Variants in SHC3 observed in about 807,000 individuals in gnomAD.
The protein encoded by SHC3 is SHC adaptor protein 3, also known as SHC-transforming protein 3.
Under a neutral mutation model 60.4 loss-of-function variants are expected in SHC3, and 15 were observed. The observed-to-expected ratio is 0.25, with a 90% CI of 0.17 to 0.38. The LOEUF is 0.38. Among genes scored for constraint, SHC3 ranks in the 10% least tolerant of loss-of-function variants. SHC3 has a pLI of 1.00. For synonymous variants in SHC3, 294 were observed against 325.9 expected (o/e 0.90, Z 1.05); for missense variants, 677 against 786.1 (o/e 0.86, Z 1.66).
chr9:89,110,235 G>A (rs975801362), intron 2 of SHC3: 8 of 985,266 alleles, frequency 8.1e-6, no homozygotes, highest in African/African-American at 1.7e-5. Flanking sequence ...GAAATGCTGG[G>A]AGTGAAGCCC....
intron 1 of SHC3, among the ~76,000 whole-genome samples, chr9:89,176,112 T>C (rs886792773): frequency 2.6e-5 from 4 of 152,142 alleles, no homozygotes; most frequent in African/African-American, 9.7e-5. Flanking sequence ...TAATTAGTCA[T>C]GCCATGCACC....
At chr9:89,045,658 T>C (rs1824759917) in intron 9 of SHC3, 88 bp downstream of exon 9, 7 of 1,148,848 alleles carry the variant, frequency 6.1e-6, no homozygotes, top group South Asian at 1.3e-5. Flanking sequence ...ACTCTGTCAG[T>C]CCACAGAAAA....
intron 2 of SHC3, among the ~76,000 whole-genome samples, chr9:89,082,913 C>A (rs1278944092): frequency 6.6e-6 from 1 of 152,224 alleles, no homozygotes; most frequent in Non-Finnish European, 1.5e-5. Context: ...ATAGATACCA[C>A]ACCCAATTGT....
intron 6 of SHC3, among the ~76,000 whole-genome samples, chr9:89,054,807 A>G (rs1587698902): frequency 6.6e-6 from 1 of 152,358 alleles, no homozygotes. Context: ...GAAACTGCCC[A>G]CTGGGGAAAC....
chr9:89,136,249 C>G (rs907483897), intron 1 of SHC3, among the ~76,000 whole-genome samples: 12 of 152,098 alleles, frequency 7.9e-5, no homozygotes, highest in African/African-American at 2.4e-4. Context: ...GCATTTGAAC[C>G]AGATCAACTT....
At chr9:89,074,683 C>A in intron 4 of SHC3, among the ~76,000 whole-genome samples, 1 of 117,072 alleles carries the variant, frequency 8.5e-6, no homozygotes, top group Non-Finnish European at 1.7e-5. Flanking sequence ...AACAATGAGC[C>A]ACTAAAGCAA....
Position 89,008,732 on chromosome 9 carries a change from A to G in SHC3, c.*4715T>C, listed in dbSNP as rs1288315379. On this transcript the variant is annotated 3_prime_UTR_variant, in exon 12 of 12. Transcript: ENST00000375835. Reference sequence around the variant, plus strand: ...GATAGACTTGGTGAATAAATACCCCAGCTGTCTCCCCGCCTTGCTGGGTGA... The same window carrying G: ...GATAGACTTGGTGAATAAATACCCCGGCTGTCTCCCCGCCTTGCTGGGTGA... The G allele has an allele frequency of 6.6e-6, 1 of 152,144 alleles. No homozygotes were observed. The highest frequency in any genetic ancestry group is 2.4e-5 in the African/African-American group (1 of 41,418). 9.4% of individuals were successfully genotyped at this position (152,144 alleles called of 1,614,324 possible).
rs560537776 is a variant in SHC3, at chr9:89,046,061, C to T, written c.1114-228G>A. ...CATCAAAACTACACATGCCCCCCCG[C>T]TTGTTTTCATTACCCCCCCCACCCC... On this transcript the variant is annotated intron_variant, in intron 8 of 11. Transcript: ENST00000375835. Among the ~76,000 whole-genome samples, 9 of 133,608 alleles carry T rather than the reference C, an allele frequency of 6.7e-5. 1 individual carries two copies. Among genetic ancestry groups the T allele is most frequent in the Middle Eastern group, 7.5e-3 (2 of 268 alleles). The allele number at this position is 133,608 out of a possible 152,430, so 87.7% of individuals were successfully genotyped here.
intron 11 of SHC3, among the ~76,000 whole-genome samples, chr9:89,026,140 G>C (rs1252127878): frequency 6.6e-6 from 1 of 151,682 alleles, no homozygotes; most frequent in Non-Finnish European, 1.5e-5. Flanking sequence ...CTGTAATCCA[G>C]CTGCTCAGGA....
intron 6 of SHC3, among the ~76,000 whole-genome samples, chr9:89,055,333 A>T (rs527795427): frequency 5.7e-4 from 87 of 152,372 alleles, no homozygotes; most frequent in Middle Eastern, 3.4e-3. Flanking sequence ...GCAACAGGGC[A>T]TCCAGTAAAC....
At chr9:89,055,432 G>A (rs1170867827) in intron 6 of SHC3, among the ~76,000 whole-genome samples, 2 of 152,210 alleles carry the variant, frequency 1.3e-5, no homozygotes, top group African/African-American at 4.8e-5. Flanking sequence ...TTATGCCACA[G>A]TAAGAAACAA....
chr9:89,077,164 G>A (rs1016432725), intron 3 of SHC3, among the ~76,000 whole-genome samples: 91 of 150,312 alleles, frequency 6.1e-4, no homozygotes, highest in African/African-American at 1.8e-3. Context: ...GGGATAGAGC[G>A]AGACTCTGTC....
chr9:89,114,030 CAG>C (rs1344912817), intron 1 of SHC3, among the ~76,000 whole-genome samples: 1 of 152,152 alleles, frequency 6.6e-6, no homozygotes, highest in Non-Finnish European at 1.5e-5. Flanking sequence ...GCCACCATTG[CAG>C]AGTTACGTGA....
chr9:89,027,212 T>C (rs1826326007), intron 11 of SHC3, among the ~76,000 whole-genome samples: 1 of 152,246 alleles, frequency 6.6e-6, no homozygotes, highest in Admixed American at 6.5e-5. Flanking sequence ...GGAAACTTCC[T>C]TACCAGTTAT....
Position 89,038,472 on chromosome 9 carries a change from T to C in SHC3, c.1361-184A>G, listed in dbSNP as rs190189176. Among the ~76,000 whole-genome samples the C allele has an allele frequency of 9.2e-5, 14 of 152,250 alleles. No homozygotes were observed. The East Asian group carries it at 2.3e-3, about 25-fold the overall frequency. On this transcript the variant is annotated intron_variant, in intron 10 of 11. Transcript: ENST00000375835. ...ATAACAAGAGCCATCATAACAAGCA[T>C]TGAAAAGCACAGCCCAAATTTTGGC...
chr9:89,013,539 G>A lies in SHC3; in HGVS notation c.1693C>T (p.His565Tyr). Residue 565 changes from histidine (H) to tyrosine (Y), a missense_variant, in exon 12 of 12, where the codon CAC becomes TAC. Physicochemically the swap from His to Tyr is moderately conservative, Grantham distance 83. Transcript: ENST00000375835. ...CTTTCTAGGTGGTGGTTGATGAGGT[G>A]GCTGATACTGTCAAAGACTCTGTCC... ...TKDRVFDSIS[H>Y]LINHHLESSL... is the part of the protein sequence containing the mutation. The A allele has an allele frequency of 6.2e-7, 1 of 1,614,018 alleles. No homozygotes were observed. Among genetic ancestry groups the A allele is most frequent in the Non-Finnish European group, 8.5e-7 (1 of 1,179,954 alleles).
Position 89,060,526 on chromosome 9 carries a change from G to A in SHC3, c.835+5003C>T, listed in dbSNP as rs138708581. On this transcript the variant is annotated intron_variant, in intron 6 of 11. Coordinates refer to ENST00000375835, the MANE Select transcript of SHC3 (RefSeq NM_016848.6). ...AGAAGGCAGGCACAGGGCCCAGGAG[G>A]CAAGAGCTTGCTTGGCACGGTCAGG... 2.6e-5 allele frequency among the ~76,000 whole-genome samples: 4 copies of A among 152,098 alleles called. No individual in the cohort carries two copies. The East Asian group carries it at 7.7e-4, about 29-fold the overall frequency.
chr9:89,153,017 G>A (rs1306314404), intron 1 of SHC3, among the ~76,000 whole-genome samples: 1 of 152,150 alleles, frequency 6.6e-6, no homozygotes, highest in Non-Finnish European at 1.5e-5. Flanking sequence ...GGTGGGACTG[G>A]AAATTTGCTT....
At chr9:89,110,569 T>G in intron 2 of SHC3, 5 of 656,376 alleles carry the variant, frequency 7.6e-6, no homozygotes, top group Non-Finnish European at 9.4e-6. Flanking sequence ...AGTGCTTCAT[T>G]CTGAAGTTGA....
Sources: allele counts gnomAD v4.1 joint callset (sites outside exome capture counted in the v4.1 genomes callset), GRCh38; gene constraint gnomAD v4.1.1; transcripts MANE v1.5; gene names NCBI Gene and HGNC (gene_info 2026-07-23, HGNC 2026-07-21).